PCDHA9: variants seen among roughly 807,000 people sequenced by gnomAD.
PCDHA9 encodes protocadherin alpha-9.
A neutral mutation model predicts 62.0 loss-of-function variants in PCDHA9; 62 were observed. The observed-to-expected ratio is 1.00, with a 90% CI of 0.81 to 1.23. PCDHA9 has a LOEUF of 1.23. PCDHA9 is among the 50% of genes most tolerant of loss of function. The pLI is 0.00. For missense variants in PCDHA9, 1,205 were observed against 1,249.8 expected, an observed-to-expected ratio of 0.96 and a Z score of 0.54; for synonymous variants, 557 against 567.6, an observed-to-expected ratio of 0.98 and a Z score of 0.27.
At chr5:140,922,210 A>AAC (rs2080722350) in intron 1 of PCDHA9, among the ~76,000 whole-genome samples, 2 of 152,232 alleles carry the variant, frequency 1.3e-5, no homozygotes, top group Admixed American at 1.3e-4. Context: ...GAAACTTTGT[A>AAC]AAACATTTGA....
intron 1 of PCDHA9, among the ~76,000 whole-genome samples, chr5:140,894,750 TTGTG>T (rs2064648260): frequency 6.6e-6 from 1 of 152,080 alleles, no homozygotes; most frequent in Admixed American, 6.5e-5. Context: ...ATTTTTTTTC[TTGTG>T]TGTATTTATT....
chr5:140,869,432 T>C (rs1562628312), intron 1 of PCDHA9: 3 of 1,614,192 alleles, frequency 1.9e-6, no homozygotes, highest in Non-Finnish European at 2.5e-6. Context: ...GAGGTGATCG[T>C]GGACAGGCCG....
Position 140,920,446 on chromosome 5 carries a change from A to G in PCDHA9, c.2395-58503A>G, listed in dbSNP as rs2079636964. 2.6e-5 allele frequency among the ~76,000 whole-genome samples: 4 copies of G among 152,114 alleles called. No homozygotes were observed. In the South Asian group the frequency reaches 8.3e-4, roughly 31 times the overall value. On this transcript the variant is annotated intron_variant, in intron 1 of 3. Coordinates refer to ENST00000532602, the MANE Select transcript of PCDHA9 (RefSeq NM_031857.2). ...CTCCCACACACCTCTTTTATACTGT[A>G]ATTGACAAATTTGTTATATTTCTGT...
chr5:140,852,182 A>C, intron 1 of PCDHA9: 1 of 758,132 alleles, frequency 1.3e-6, no homozygotes. Context: ...AATAACTATG[A>C]AAATGCCAGT....
intron 1 of PCDHA9, chr5:140,876,299 A>G: frequency 1.2e-6 from 2 of 1,614,062 alleles, no homozygotes; most frequent in South Asian, 2.2e-5. Context: ...CTTAATGGAG[A>G]AATTTCCTAT....
In PCDHA9 at chr5:140,850,675, C is replaced by A. The variant is rs2150493362; in HGVS notation, c.2180C>A (p.Pro727His). ...LYTVLRCSAM[P>H]TEGECAPGKP... is the part of the protein sequence containing the mutation. ...ACTGTGCTGCGGTGCTCGGCGATGC[C>A]CACCGAGGGCGAGTGCGCGCCTGGC... is the stretch of plus-strand genomic sequence containing the variant. Residue 727 changes from proline (P) to histidine (H), a missense_variant, in exon 1 of 4, where the codon CCC becomes CAC. Around this residue, in one of 3 missense-constraint regions of PCDHA9, gnomAD observed 887 missense variants for 809.5 expected, o/e 1.10. Transcript: ENST00000532602. The A allele has an allele frequency of 1.9e-6, 3 of 1,598,470 alleles. No homozygotes were observed. The highest frequency in any genetic ancestry group is 2.6e-6 in the Non-Finnish European group (3 of 1,167,836).
chr5:140,944,003 C>A (rs1185007409), intron 1 of PCDHA9, among the ~76,000 whole-genome samples: 11 of 152,038 alleles, frequency 7.2e-5, no homozygotes, highest in African/African-American at 2.2e-4. Flanking sequence ...CTACTGAGTA[C>A]CCCCCAAAAG....
At chr5:140,999,444 C>A (rs782553983) in intron 3 of PCDHA9, among the ~76,000 whole-genome samples, 25 of 152,210 alleles carry the variant, frequency 1.6e-4, no homozygotes, top group Non-Finnish European at 3.1e-4. Flanking sequence ...GCCTCTTATT[C>A]GTTCAACGAA....
chr5:140,929,207 G>T (rs782298445), intron 1 of PCDHA9: 2 of 1,614,106 alleles, frequency 1.2e-6, no homozygotes, highest in Non-Finnish European at 1.7e-6. Flanking sequence ...TTGCTGTTGC[G>T]TGGGGAGTAC....
chr5:140,985,885 G>A (rs1218097274), intron 3 of PCDHA9, among the ~76,000 whole-genome samples: 4 of 151,548 alleles, frequency 2.6e-5, no homozygotes, highest in Non-Finnish European at 5.9e-5. Flanking sequence ...GACTACAGGC[G>A]CCCGCCACCA....
chr5:140,895,914 A>G (rs570826611), intron 1 of PCDHA9, among the ~76,000 whole-genome samples: 43 of 152,162 alleles, frequency 2.8e-4, no homozygotes, highest in Non-Finnish European at 1.3e-4. Flanking sequence ...CGGGCTCAAC[A>G]ATTATCCTGC....
intron 1 of PCDHA9, chr5:140,881,249 A>G (rs1582554645): frequency 2.3e-6 from 1 of 434,858 alleles, no homozygotes; most frequent in Non-Finnish European, 3.1e-6. Context: ...AATGACGGCA[A>G]GGTTTTACTC....
chr5:140,990,822 C>G (rs1273714328), intron 3 of PCDHA9, among the ~76,000 whole-genome samples: 1 of 152,204 alleles, frequency 6.6e-6, no homozygotes. Flanking sequence ...CTTCTCTCAG[C>G]TAAAGCCTAT....
At chr5:140,892,678 A>G (rs1381127232) in intron 1 of PCDHA9, among the ~76,000 whole-genome samples, 2 of 152,216 alleles carry the variant, frequency 1.3e-5, no homozygotes, top group Middle Eastern at 3.2e-3. Context: ...ACATATATAC[A>G]ATGTATAATA....
intron 1 of PCDHA9, among the ~76,000 whole-genome samples, chr5:140,959,018 A>T (rs1374346226): frequency 6.6e-6 from 1 of 152,078 alleles, no homozygotes; most frequent in Non-Finnish European, 1.5e-5. Flanking sequence ...TTTATACATT[A>T]AGCTTTATCA....
intron 1 of PCDHA9, among the ~76,000 whole-genome samples, chr5:140,964,342 C>T (rs2095825714): frequency 6.6e-6 from 1 of 152,184 alleles, no homozygotes; most frequent in Non-Finnish European, 1.5e-5. Context: ...TGGCAGGTGT[C>T]CTTGCTGGAA....
Position 141,009,626 on chromosome 5 carries a change from G to C in PCDHA9, c.2543-1G>C, listed in dbSNP as rs782621388. The C allele has an allele frequency of 1.9e-6, 3 of 1,612,816 alleles. No individual in the cohort carries two copies. Among genetic ancestry groups the C allele is most frequent in the Non-Finnish European group, 2.5e-6 (3 of 1,179,228 alleles). On this transcript the variant is annotated splice_acceptor_variant, in intron 3 of 3. Transcript: ENST00000532602. LOFTEE classifies it high-confidence loss of function. ...ATGATTTGTAATGTTTTGTCTTTCA[G>C]AACCAGAGGCAGGAGAAGTGTCCCC...
chr5:140,870,317 C>G lies in PCDHA9; in HGVS notation c.2394+19428C>G, dbSNP rs782216904. On this transcript the variant is annotated intron_variant, in intron 1 of 3. Coordinates refer to ENST00000532602, the MANE Select transcript of PCDHA9 (RefSeq NM_031857.2). ...GTGTCCACCTTCAAGAATTACTACT[C>G]GTTGGTGCTGGACAGCGCCCTGGAC... 122 of 1,614,080 alleles carry G rather than the reference C, an allele frequency of 7.6e-5. No individual in the cohort carries two copies. Among genetic ancestry groups the G allele is most frequent in the Non-Finnish European group, 1.0e-4 (120 of 1,180,036 alleles).
intron 1 of PCDHA9, chr5:140,967,191 A>G (rs781981464): frequency 6.2e-7 from 1 of 1,613,532 alleles, no homozygotes; most frequent in Non-Finnish European, 8.5e-7. Flanking sequence ...TTGGACATCA[A>G]CGACAACTCA....
Sources: gnomAD v4.1 joint callset for allele counts (sites outside exome capture counted in the v4.1 genomes callset) on GRCh38, gnomAD v4.1.1 for gene constraint, gnomAD v4.1.1 regional missense constraint, MANE v1.5 for transcripts, NCBI Gene and HGNC (gene_info 2026-07-23, HGNC 2026-07-21) for gene names.